Variants in MRPL22 observed in about 807,000 individuals in gnomAD.
MRPL22 encodes the protein large ribosomal subunit protein uL22m.
In MRPL22, 27 loss-of-function variants were observed where a neutral mutation model predicts 32.4. The ratio of observed to expected loss-of-function variants is 0.83; its 90% CI spans 0.61 to 1.15. The LOEUF (loss-of-function observed/expected upper bound fraction) is 1.15, where lower values mean the gene tolerates loss of function less well. Among genes scored for constraint, MRPL22 ranks in the 50% most tolerant of loss-of-function variants. MRPL22 has a pLI of 0.00. For synonymous variants in MRPL22, 86 were observed against 87.3 expected (o/e 0.99, Z 0.08); for missense variants, 239 against 260.2 (o/e 0.92, Z 0.56).
chr5:154,954,929 C>T (rs1452970427), intron 3 of MRPL22, among the ~76,000 whole-genome samples: 1 of 152,010 alleles, frequency 6.6e-6, no homozygotes, highest in African/African-American at 2.4e-5. Context: ...GTAGCTGGGA[C>T]CACAGGCGCC....
chr5:154,951,236 G>A (rs573262300), intron 3 of MRPL22, among the ~76,000 whole-genome samples: 6 of 152,276 alleles, frequency 3.9e-5, no homozygotes, highest in Admixed American at 3.9e-4. Context: ...TGGAGCATGT[G>A]GAGTTGGCAA....
chr5:154,953,724 T>C (rs2113538478), intron 3 of MRPL22, among the ~76,000 whole-genome samples: 1 of 150,206 alleles, frequency 6.7e-6, no homozygotes, highest in South Asian at 2.1e-4. Context: ...TCTAGCTCTG[T>C]TGCCCAGGCT....
chr5:154,956,316 T>C (rs1764629103), intron 3 of MRPL22, 55 bp from the exon 4 acceptor site: 1 of 1,269,646 alleles, frequency 7.9e-7, no homozygotes, highest in African/African-American at 1.5e-5. Flanking sequence ...TTATTGTCAT[T>C]TTGTGGTAAA....
intron 2 of MRPL22, among the ~76,000 whole-genome samples, chr5:154,943,150 T>A (rs2113529671): frequency 6.6e-6 from 1 of 152,306 alleles, no homozygotes; most frequent in African/African-American, 2.4e-5. Context: ...TTTTTCCTTT[T>A]TTTTTTGGAG....
intron 3 of MRPL22, among the ~76,000 whole-genome samples, chr5:154,951,482 A>C (rs965826882): frequency 6.6e-6 from 1 of 152,176 alleles, no homozygotes; most frequent in Non-Finnish European, 1.5e-5. Context: ...TCACAACTTG[A>C]AAGATTTGTC....
intron 2 of MRPL22, among the ~76,000 whole-genome samples, chr5:154,943,364 G>A (rs982955614): frequency 6.6e-6 from 1 of 151,852 alleles, no homozygotes; most frequent in African/African-American, 2.4e-5. Context: ...TCCTGCCTTG[G>A]CCTGGAGGGA....
At position 154,966,710 on chromosome 5, in the gene MRPL22, A is replaced by G; in HGVS notation, c.434A>G (p.Gln145Arg). 1 of 1,614,092 alleles carries G rather than the reference A, an allele frequency of 6.2e-7. No homozygotes were observed. The highest frequency in any genetic ancestry group is 1.3e-5 in the African/African-American group (1 of 75,060). ...YIAESTSGRGQCLKRIRYHGR... is the reference protein window; with the variant it reads ...YIAESTSGRGRCLKRIRYHGR... ...GCTGAGTCCACCTCAGGACGAGGCC[A>G]GTGCCTGAAACGCATCCGCTACCAT... Residue 145 changes from glutamine (Q) to arginine (R), a missense_variant, in exon 7 of 7, where the codon CAG becomes CGG. Gln to Arg is a conservative substitution (Grantham distance 43). Coordinates refer to ENST00000523037, the MANE Select transcript of MRPL22 (RefSeq NM_014180.4).
chr5:154,960,445 C>G (rs1463955235), intron 6 of MRPL22, among the ~76,000 whole-genome samples: 1 of 151,996 alleles, frequency 6.6e-6, no homozygotes, highest in Admixed American at 6.5e-5. Flanking sequence ...TATAATGTGC[C>G]AAGCCAGATG....
chr5:154,949,712 G>A (rs1270565177), intron 2 of MRPL22, among the ~76,000 whole-genome samples: 1 of 152,172 alleles, frequency 6.6e-6, no homozygotes, highest in African/African-American at 2.4e-5. Flanking sequence ...GCGGATGCTG[G>A]GGAAAATGGG....
rs760395843 is a variant in MRPL22, at chr5:154,966,819, G to A, written c.543G>A (p.Glu181=). 1.9e-6 allele frequency: 3 copies of A among 1,614,078 alleles called. No homozygotes were observed. The highest frequency in any genetic ancestry group is 2.7e-5 in the African/African-American group (2 of 74,926). Reference sequence around the variant, plus strand: ...TGGAAGGGCCCCCACCTCCACCTGAGCCACCAAAGACGGCAGTTGCCCATG... The same window carrying A: ...TGGAAGGGCCCCCACCTCCACCTGAACCACCAAAGACGGCAGTTGCCCATG... ...KLVEGPPPPP[E]PPKTAVAHAK... The change falls in exon 7 of 7, where the codon GAG becomes GAA. Residue 181 remains glutamate (E), a synonymous_variant. Transcript: ENST00000523037.
chr5:154,966,765 G>A lies in MRPL22; in HGVS notation c.489G>A (p.Lys163=), dbSNP rs7965. ...GAGGTCGCTTTGGGATCATGGAGAA[G>A]GTTTATTGCCATTATTTTGTGAAGT... is the stretch of plus-strand genomic sequence containing the variant. ...HGRGRFGIME[K]VYCHYFVKLV... Residue 163 remains lysine (K), a synonymous_variant, in exon 7 of 7, where the codon AAG becomes AAA. Transcript: ENST00000523037. The A allele has an allele frequency of 0.12, 191,446 of 1,614,068 alleles. 12,383 individuals carry two copies. Among genetic ancestry groups the A allele is most frequent in the Non-Finnish European group, 0.13 (158,405 of 1,179,984 alleles).
At chr5:154,954,959 T>C (rs1312823874) in intron 3 of MRPL22, among the ~76,000 whole-genome samples, 1 of 131,548 alleles carries the variant, frequency 7.6e-6, no homozygotes, top group Admixed American at 7.3e-5. Flanking sequence ...GCCCGGCTAA[T>C]TTTTTTTTTT....
At chr5:154,963,059 C>T (rs1764724914) in intron 6 of MRPL22, among the ~76,000 whole-genome samples, 1 of 152,192 alleles carries the variant, frequency 6.6e-6, no homozygotes, top group Non-Finnish European at 1.5e-5. Flanking sequence ...GTGCCTCAGC[C>T]TCCCGAGTAG....
chr5:154,958,538 C>CTTTTTTTTT (rs201113350), intron 5 of MRPL22, among the ~76,000 whole-genome samples: 2 of 83,316 alleles, frequency 2.4e-5, no homozygotes, highest in Non-Finnish European at 4.6e-5. Flanking sequence ...TGACAATTGT[C>CTTTTTTTTT]TTTTTTTTTT....
chr5:154,962,918 G>A (rs1561742912), intron 6 of MRPL22, among the ~76,000 whole-genome samples: 1 of 152,088 alleles, frequency 6.6e-6, no homozygotes, highest in African/African-American at 2.4e-5. Flanking sequence ...GGAAATATTT[G>A]CTGTGTGTAT....
chr5:154,946,741 A>G (rs1764496962), intron 2 of MRPL22, among the ~76,000 whole-genome samples: 1 of 152,192 alleles, frequency 6.6e-6, no homozygotes. Context: ...GAATCGTTTG[A>G]ATCCAGGAGG....
chr5:154,941,759 C>T (rs1362279700), intron 2 of MRPL22, among the ~76,000 whole-genome samples: 1 of 152,192 alleles, frequency 6.6e-6, no homozygotes, highest in African/African-American at 2.4e-5. Flanking sequence ...AATAACTTGC[C>T]TAAGGCCACT....
At chr5:154,959,879 G>T in intron 5 of MRPL22, 101 bp from the exon 6 acceptor site, 1 of 746,164 alleles carries the variant, frequency 1.3e-6, no homozygotes. Flanking sequence ...ATGGAAGCAT[G>T]TGATTAGCAG....
intron 2 of MRPL22, among the ~76,000 whole-genome samples, chr5:154,942,023 ACTTATT>A (rs1190995643): frequency 5.9e-5 from 9 of 152,240 alleles, no homozygotes; most frequent in African/African-American, 2.2e-4. Flanking sequence ...TGGAAAAGTT[ACTTATT>A]CTTAATAAGC....
Sources: allele counts gnomAD v4.1 joint callset (sites outside exome capture counted in the v4.1 genomes callset), GRCh38; gene constraint gnomAD v4.1.1; transcripts MANE v1.5; gene names NCBI Gene and HGNC (gene_info 2026-07-23, HGNC 2026-07-21).